Variants in NSG2 observed in about 807,000 individuals in gnomAD.
NSG2 encodes the protein neuronal vesicle trafficking associated 2.
NSG2 carries 4 observed loss-of-function variants against 16.9 expected under a neutral mutation model. The ratio of observed to expected loss-of-function variants is 0.24; its 90% CI spans 0.12 to 0.54. The LOEUF (loss-of-function observed/expected upper bound fraction) is 0.54, where lower values mean the gene tolerates loss of function less well. NSG2 is among the 20% of genes least tolerant of loss of function. The pLI is 0.95. For synonymous variants in NSG2, 98 were observed against 88.7 expected (o/e 1.11, Z -0.59); for missense variants, 179 against 221.1 (o/e 0.81, Z 1.21).
At chr5:174,104,916 TA>T (rs1760953284) in intron 4 of NSG2, among the ~76,000 whole-genome samples, 2 of 152,152 alleles carry the variant, frequency 1.3e-5, no homozygotes, top group African/African-American at 2.4e-5. Flanking sequence ...TGGGAGGCCT[TA>T]AGGAGAGAAT....
chr5:174,069,129 G>A (rs915356044), intron 3 of NSG2, among the ~76,000 whole-genome samples: 3 of 151,088 alleles, frequency 2.0e-5, no homozygotes, highest in African/African-American at 7.3e-5. Flanking sequence ...CCCTGGTGCT[G>A]TGGAGGGTGC....
At chr5:174,066,348 G>A in intron 3 of NSG2, 2 of 433,132 alleles carry the variant, frequency 4.6e-6, no homozygotes, top group Admixed American at 2.4e-5. Context: ...AGGCCACGGG[G>A]TCAAATTTAC....
At chr5:174,054,176 G>A (rs1759933278) in intron 2 of NSG2, among the ~76,000 whole-genome samples, 1 of 152,232 alleles carries the variant, frequency 6.6e-6, no homozygotes. Context: ...AAAGAGAATG[G>A]TGTGGAGTGA....
chr5:174,070,912 G>A (rs1356936650), intron 3 of NSG2, among the ~76,000 whole-genome samples: 1 of 152,220 alleles, frequency 6.6e-6, no homozygotes, highest in African/African-American at 2.4e-5. Flanking sequence ...CTTTGGGTGT[G>A]TTGCATTGTG....
At chr5:174,101,752 A>C (rs1760899069) in intron 3 of NSG2, among the ~76,000 whole-genome samples, 1 of 152,146 alleles carries the variant, frequency 6.6e-6, no homozygotes, top group Non-Finnish European at 1.5e-5. Flanking sequence ...GAGCATTTAA[A>C]ATTTTTTTAT....
chr5:174,107,951 C>T lies in NSG2; in HGVS notation c.*446C>T, dbSNP rs1301598849. On this transcript the variant is annotated 3_prime_UTR_variant, in exon 5 of 5. Coordinates refer to ENST00000303177, the MANE Select transcript of NSG2 (RefSeq NM_015980.5). The surrounding 1 kb of genome is among the most constrained non-coding windows in gnomAD (Gnocchi z 4.5). Reference sequence around the variant, plus strand: ...AGAAAACGTAGCTTCAGTGGGGGCTCCAGGGTTGCAGAGTATGAGTGACAC... The same window carrying T: ...AGAAAACGTAGCTTCAGTGGGGGCTTCAGGGTTGCAGAGTATGAGTGACAC... 2.7e-6 allele frequency: 1 copy of T among 365,446 alleles called. No homozygotes were observed. Among genetic ancestry groups the T allele is most frequent in the Admixed American group, 3.7e-5 (1 of 26,876 alleles). 22.6% of individuals were successfully genotyped at this position (365,446 alleles called of 1,614,324 possible).
Position 174,107,706 on chromosome 5 carries a change from T to C in NSG2, c.*201T>C. On this transcript the variant is annotated 3_prime_UTR_variant, in exon 5 of 5. Coordinates refer to ENST00000303177, the MANE Select transcript of NSG2 (RefSeq NM_015980.5). The surrounding 1 kb of genome is among the most constrained non-coding windows in gnomAD (Gnocchi z 4.5). Reference sequence around the variant, plus strand: ...CGATATTTCTTTTTGTTCCTTGGTATTGTTGATTCGTCGCCGAGTCAGGCT... The same window carrying C: ...CGATATTTCTTTTTGTTCCTTGGTACTGTTGATTCGTCGCCGAGTCAGGCT... The C allele has an allele frequency of 1.4e-6, 1 of 707,530 alleles. No individual in the cohort carries two copies. The allele number at this position is 707,530 out of a possible 1,614,324, so 43.8% of individuals were successfully genotyped here. A position where few individuals can be genotyped will look rare whatever the true frequency, so the allele number is the denominator to read the frequency against.
intron 2 of NSG2, among the ~76,000 whole-genome samples, chr5:174,055,517 G>A (rs2113423677): frequency 6.6e-6 from 1 of 152,228 alleles, no homozygotes; most frequent in East Asian, 1.9e-4. Flanking sequence ...AGAATGGTGT[G>A]AACCCAGGAG....
chr5:174,081,000 G>A (rs1288541533), intron 3 of NSG2, among the ~76,000 whole-genome samples: 3 of 150,446 alleles, frequency 2.0e-5, no homozygotes, highest in Non-Finnish European at 4.4e-5. Flanking sequence ...TTTTTTTGTT[G>A]TTGATATTGT....
In NSG2 at chr5:174,107,725, T is replaced by A. The variant is rs1475007184; in HGVS notation, c.*220T>A. The A allele has an allele frequency of 4.3e-6, 3 of 694,184 alleles. No homozygotes were observed. The Admixed American group carries it at 6.0e-5, about 14-fold the overall frequency. 43.0% of individuals were successfully genotyped at this position (694,184 alleles called of 1,614,324 possible). A position where few individuals can be genotyped will look rare whatever the true frequency, so the allele number is the denominator to read the frequency against. On this transcript the variant is annotated 3_prime_UTR_variant, in exon 5 of 5. Transcript: ENST00000303177. This position sits in a 1 kb window ranked among gnomAD's most constrained non-coding sequence, Gnocchi z 4.5. ...TTGGTATTGTTGATTCGTCGCCGAGTCAGGCTCATGTACAAAGGCATGTTT... is the reference window on the plus strand; with the variant it reads ...TTGGTATTGTTGATTCGTCGCCGAGACAGGCTCATGTACAAAGGCATGTTT...
At chr5:174,069,312 A>G (rs1760196933) in intron 3 of NSG2, among the ~76,000 whole-genome samples, 2 of 152,138 alleles carry the variant, frequency 1.3e-5, no homozygotes, top group Non-Finnish European at 1.5e-5. Flanking sequence ...AGGCTCTGGA[A>G]GGTGCTTATG....
chr5:174,046,956 T>A (rs1759810327), intron 2 of NSG2, 72 bp downstream of exon 2: 3 of 1,519,874 alleles, frequency 2.0e-6, no homozygotes, highest in Admixed American at 3.6e-5. Flanking sequence ...AGCAAAAAAT[T>A]CCACCCCCCA....
chr5:174,070,653 A>G (rs147222056), intron 3 of NSG2, among the ~76,000 whole-genome samples: 106 of 152,200 alleles, frequency 7.0e-4, no homozygotes, highest in African/African-American at 2.4e-3. Context: ...CAGATGAGAA[A>G]CATTCTGTGC....
rs139343889 is a variant in NSG2, at chr5:174,105,556, C to T, written c.324+1218C>T. 7.0e-3 allele frequency among the ~76,000 whole-genome samples: 1,070 copies of T among 152,294 alleles called. 13 individuals are homozygous for T. Among genetic ancestry groups the T allele is most frequent in the African/African-American group, 0.025 (1,021 of 41,560 alleles). ...GGTAATGAACCTGGAGACTACTGAA[C>T]GAACGTGGAGGTTTCTCCGCAACTC... On this transcript the variant is annotated intron_variant, in intron 4 of 4. Transcript: ENST00000303177.
intron 3 of NSG2, among the ~76,000 whole-genome samples, chr5:174,101,631 C>T (rs986917852): frequency 6.6e-6 from 1 of 152,192 alleles, no homozygotes; most frequent in African/African-American, 2.4e-5. Context: ...TCCTTCATTC[C>T]CTTTCATGGC....
At chr5:174,093,251 A>T (rs73806556) in intron 3 of NSG2, among the ~76,000 whole-genome samples, 4,391 of 152,270 alleles carry the variant, frequency 0.029, 65 homozygotes, top group Non-Finnish European at 0.035. Flanking sequence ...TAAGCATTCC[A>T]TGTATGCTAA....
chr5:174,060,417 A>G (rs774821167), intron 2 of NSG2, among the ~76,000 whole-genome samples: 19 of 151,972 alleles, frequency 1.3e-4, no homozygotes, highest in Non-Finnish European at 2.4e-4. Flanking sequence ...TGCATCCAAC[A>G]TTTGATGTGA....
chr5:174,088,802 A>G (rs1760674750), intron 3 of NSG2, among the ~76,000 whole-genome samples: 1 of 152,194 alleles, frequency 6.6e-6, no homozygotes, highest in Non-Finnish European at 1.5e-5. Flanking sequence ...GAAATGTAAT[A>G]AGAGACCCAG....
chr5:174,057,862 G>A lies in NSG2; in HGVS notation c.130-6370G>A, dbSNP rs111385324. On this transcript the variant is annotated intron_variant, in intron 2 of 4. Coordinates refer to ENST00000303177, the MANE Select transcript of NSG2 (RefSeq NM_015980.5). ...GGTTTGCTGGTATTGTCTCTCCCTC[G>A]ATCTAGAGGGATCTTTCCCCTGGGT... is the stretch of plus-strand genomic sequence containing the variant. Among the ~76,000 whole-genome samples, 22 of 152,214 alleles carry A rather than the reference G, an allele frequency of 1.4e-4. 2 individuals are homozygous for A. Among genetic ancestry groups the A allele is most frequent in the African/African-American group, 5.1e-4 (21 of 41,534 alleles).
Sources: gnomAD v4.1 joint callset for allele counts (sites outside exome capture counted in the v4.1 genomes callset) on GRCh38, gnomAD v4.1.1 for gene constraint, Gnocchi (gnomAD v3.1) non-coding constraint, MANE v1.5 for transcripts, NCBI Gene and HGNC (gene_info 2026-07-23, HGNC 2026-07-21) for gene names.